Variants in IL36A observed in about 807,000 individuals in gnomAD.
The protein encoded by IL36A is interleukin 36 alpha.
IL36A carries 13 observed loss-of-function variants against 12.7 expected under a neutral mutation model. The ratio of observed to expected loss-of-function variants is 1.02; its 90% CI spans 0.67 to 1.63. The LOEUF is 1.63. Ranked by LOEUF, IL36A falls within the 40% of genes most tolerant of loss-of-function variation. IL36A has a pLI of 0.00. For synonymous variants in IL36A, 73 were observed against 71.9 expected (o/e 1.01, Z -0.08); for missense variants, 195 against 192.9 (o/e 1.01, Z -0.07).
At position 113,005,552 on chromosome 2, in the gene IL36A, C is replaced by G. The variant is rs755013259; in HGVS notation, c.-320C>G. The G allele has an allele frequency of 6.1e-6, 3 of 490,910 alleles. No homozygotes were observed. Among genetic ancestry groups the G allele is most frequent in the Non-Finnish European group, 1.1e-5 (3 of 270,528 alleles). The allele number at this position is 490,910 out of a possible 1,614,324, so 30.4% of individuals were successfully genotyped here. A position where few individuals can be genotyped will look rare whatever the true frequency, so the allele number is the denominator to read the frequency against. ...ATCAGTGTGGCCTATGCTGGAAAGT[C>G]TGGTGACCTCTGATTTTTTTTGCTT... is the stretch of plus-strand genomic sequence containing the variant. On this transcript the variant is annotated 5_prime_UTR_variant, in exon 1 of 4. Transcript: ENST00000259211.
In IL36A at chr2:113,005,877, A is replaced by G. The variant is rs1684604289; in HGVS notation, c.6A>G (p.Glu2=). The G allele has an allele frequency of 2.5e-6, 4 of 1,614,172 alleles. 1 individual carries two copies. The South Asian group carries it at 4.4e-5, about 18-fold the overall frequency. Residue 2 remains glutamate (E), a synonymous_variant, in exon 1 of 4, where the codon GAA becomes GAG. Coordinates refer to ENST00000259211, the MANE Select transcript of IL36A (RefSeq NM_014440.3). M[E]KALKIDTPQQ... is the part of the protein sequence containing the mutation. ...TCTGAAACAACACCACCACAATGGA[A>G]AAAGGTAAAGATCCTCGTGGAAGGG...
At chr2:113,008,820 A>ATT (rs1558825466), downstream of IL36A, among the ~76,000 whole-genome samples, 6 of 126,808 alleles carry the variant, frequency 4.7e-5, no homozygotes, top group Non-Finnish European at 5.0e-5. Flanking sequence ...TTTTTTTTAA[A>ATT]AATTTTATTA....
Position 113,005,844 on chromosome 2 carries a change from T to C in IL36A, c.-28T>C, listed in dbSNP as rs755687109. Reference sequence around the variant, plus strand: ...TCTGCACATAAAAGGACTCCTATCCTTGGCAGTTCTGAAACAACACCACCA... The same window carrying C: ...TCTGCACATAAAAGGACTCCTATCCCTGGCAGTTCTGAAACAACACCACCA... On this transcript the variant is annotated 5_prime_UTR_variant, in exon 1 of 4. Transcript: ENST00000259211. 71 of 1,613,940 alleles carry C rather than the reference T, an allele frequency of 4.4e-5. No homozygotes were observed. The highest frequency in any genetic ancestry group is 5.4e-5 in the Non-Finnish European group (64 of 1,179,954).
At chr2:113,007,798 T>C (rs761052378) in intron 3 of IL36A, 34 bp from the exon 4 acceptor site, 75 of 1,513,182 alleles carry the variant, frequency 5.0e-5, no homozygotes, top group South Asian at 1.7e-4. Flanking sequence ...CAAACAGTTA[T>C]GTTTCTTGCT....
intron 3 of IL36A, among the ~76,000 whole-genome samples, chr2:113,007,369 G>A (rs371082132): frequency 2.0e-5 from 3 of 152,206 alleles, no homozygotes; most frequent in South Asian, 4.1e-4. Context: ...GTAGATGACA[G>A]GGATGCTACT....
chr2:113,007,617 A>G (rs1323079489), intron 3 of IL36A, among the ~76,000 whole-genome samples: 1 of 152,242 alleles, frequency 6.6e-6, no homozygotes, highest in Non-Finnish European at 1.5e-5. Flanking sequence ...AGAGCCTCAC[A>G]TTAAAAACCA....
chr2:113,006,037 T>A lies in IL36A; in HGVS notation c.74T>A (p.Leu25His). Residue 25 changes from leucine (L) to histidine (H), a missense_variant, in exon 2 of 4, where the codon CTT (leucine) becomes CAT (histidine). Physicochemically the swap from Leu to His is moderately conservative, Grantham distance 99. Transcript: ENST00000259211. ...GATATCAATCATCGGGTGTGGGTTCTTCAGGACCAGACGCTCATAGCAGTC... is the reference window on the plus strand; with the variant it reads ...GATATCAATCATCGGGTGTGGGTTCATCAGGACCAGACGCTCATAGCAGTC... ...IQDINHRVWV[L>H]QDQTLIAVPR... The A allele has an allele frequency of 1.2e-6, 2 of 1,614,138 alleles. No homozygotes were observed. Among genetic ancestry groups the A allele is most frequent in the Non-Finnish European group, 1.7e-6 (2 of 1,180,000 alleles).
downstream of IL36A, chr2:113,008,067 G>C (rs780885737): frequency 1.3e-6 from 2 of 1,582,014 alleles, no homozygotes; most frequent in East Asian, 4.5e-5. Context: ...TTGGAGGATA[G>C]TCTCCATGCA....
In IL36A at chr2:113,006,133, G is replaced by A. The variant is rs374841383; in HGVS notation, c.124+46G>A. The stretch of plus-strand genomic sequence containing the variant: ...AAAGGCAGCTCCTTTGGCCAGTGCT[G>A]TTGTGTGTTTGGTGCTCAGATGTTA... On this transcript the variant is annotated intron_variant, in intron 2 of 3. Coordinates refer to ENST00000259211, the MANE Select transcript of IL36A (RefSeq NM_014440.3). The A allele has an allele frequency of 3.0e-5, 37 of 1,251,642 alleles. No individual in the cohort carries two copies. In the African/African-American group the frequency reaches 5.4e-4, roughly 18 times the overall value. The allele number at this position is 1,251,642 out of a possible 1,614,324, so 77.5% of individuals were successfully genotyped here. A position where few individuals can be genotyped will look rare whatever the true frequency, so the allele number is the denominator to read the frequency against.
rs370538371 is a variant in IL36A at position 113,005,850 on chromosome 2, G to T, written c.-22G>T. The T allele has an allele frequency of 6.8e-6, 11 of 1,614,126 alleles. No homozygotes were observed. The highest frequency in any genetic ancestry group is 8.5e-6 in the Non-Finnish European group (10 of 1,179,980). The stretch of plus-strand genomic sequence containing the variant: ...CATAAAAGGACTCCTATCCTTGGCA[G>T]TTCTGAAACAACACCACCACAATGG... On this transcript the variant is annotated 5_prime_UTR_variant, in exon 1 of 4. Coordinates refer to ENST00000259211, the MANE Select transcript of IL36A (RefSeq NM_014440.3).
Position 113,006,689 on chromosome 2 carries a change from CT to C in IL36A, c.217del (p.Cys73AlafsTer2). On this transcript the variant is annotated frameshift_variant, in exon 3 of 4. Coordinates refer to ENST00000259211, the MANE Select transcript of IL36A (RefSeq NM_014440.3). LOFTEE classifies it low-confidence loss of function (END_TRUNC). ...IYLGLNGLNL[C>X]LMCAKVGDQP... ...ACCTGGGCCTGAATGGACTCAATCT[CT>C]GCCTGATGTGTGCTAAAGTCGGGGA... 1 of 1,614,192 alleles carries C rather than the reference CT, an allele frequency of 6.2e-7. No homozygotes were observed. The highest frequency in any genetic ancestry group is 8.5e-7 in the Non-Finnish European group (1 of 1,180,032).
At chr2:113,010,404 G>T (rs1381230595), downstream of IL36A, among the ~76,000 whole-genome samples, 1 of 152,162 alleles carries the variant, frequency 6.6e-6, no homozygotes, top group Non-Finnish European at 1.5e-5. Flanking sequence ...CCCTGTGCTG[G>T]TAATTCCTCT....
chr2:113,006,130 G>A, intron 2 of IL36A, 43 bp downstream of exon 2: 1 of 1,265,520 alleles, frequency 7.9e-7, no homozygotes, highest in Non-Finnish European at 1.2e-6. Flanking sequence ...TTTGGCCAGT[G>A]CTGTTGTGTG....
At chr2:113,008,499 T>C (rs1684678035), downstream of IL36A, 2 of 214,392 alleles carry the variant, frequency 9.3e-6, no homozygotes, top group Non-Finnish European at 1.9e-5. Flanking sequence ...TAGCTGGGAC[T>C]ACAGGCGCCC....
At chr2:113,006,213 C>A in intron 2 of IL36A, 126 bp downstream of exon 2, 2 of 700,504 alleles carry the variant, frequency 2.9e-6, no homozygotes, top group Non-Finnish European at 5.1e-6. Context: ...ATCTCACAGA[C>A]AATAATGAAT....
At chr2:113,007,711 G>T (rs758278827) in intron 3 of IL36A, 121 bp from the exon 4 acceptor site, 21 of 722,034 alleles carry the variant, frequency 2.9e-5, no homozygotes, top group Non-Finnish European at 4.7e-5. Flanking sequence ...TGAAACAGAG[G>T]TCTCCAAGCT....
chr2:113,007,746 C>T, intron 3 of IL36A, 86 bp from the exon 4 acceptor site: 1 of 1,090,580 alleles, frequency 9.2e-7, no homozygotes, highest in Non-Finnish European at 1.4e-6. Flanking sequence ...GGAATGCTAT[C>T]CTTGGACGTG....
chr2:113,007,400 C>T (rs1199691891), intron 3 of IL36A, among the ~76,000 whole-genome samples: 1 of 152,176 alleles, frequency 6.6e-6, no homozygotes, highest in Non-Finnish European at 1.5e-5. Flanking sequence ...TATTATTATA[C>T]AGGACAGACC....
intron 2 of IL36A, 99 bp from the exon 3 acceptor site, chr2:113,006,499 C>T: frequency 7.5e-7 from 1 of 1,324,738 alleles, no homozygotes; most frequent in East Asian, 2.3e-5. Context: ...TCTATGAGTG[C>T]ACTGTGAGTG....
Sources: gnomAD v4.1 joint callset for allele counts (sites outside exome capture counted in the v4.1 genomes callset) on GRCh38, gnomAD v4.1.1 for gene constraint, MANE v1.5 for transcripts, NCBI Gene and HGNC (gene_info 2026-07-23, HGNC 2026-07-21) for gene names.